EVA1C: variants seen among roughly 807,000 people sequenced by gnomAD.
EVA1C encodes the protein eva-1 homolog C.
A neutral mutation model predicts 45.4 loss-of-function variants in EVA1C; 25 were observed. The ratio of observed to expected loss-of-function variants is 0.55; its 90% CI spans 0.40 to 0.77. The LOEUF (loss-of-function observed/expected upper bound fraction) is 0.77. Ranked by LOEUF, EVA1C falls within the 30% of genes least tolerant of loss-of-function variation. The pLI is 0.00. For synonymous variants in EVA1C, 190 were observed against 221.2 expected (o/e 0.86, Z 1.25); for missense variants, 479 against 554.8 (o/e 0.86, Z 1.37).
At chr21:32,477,338 C>T (rs376680451) in intron 4 of EVA1C, among the ~76,000 whole-genome samples, 7 of 152,300 alleles carry the variant, frequency 4.6e-5, no homozygotes, top group South Asian at 4.1e-4. Flanking sequence ...TTCATTACCC[C>T]GGCAACCCAC....
chr21:32,470,018 C>T (rs1270284070), intron 4 of EVA1C, among the ~76,000 whole-genome samples: 1 of 152,216 alleles, frequency 6.6e-6, no homozygotes, highest in Non-Finnish European at 1.5e-5. Flanking sequence ...AAAGCTTGAT[C>T]TCTCTCTGCT....
chr21:32,486,211 C>CT (rs1424690911), intron 4 of EVA1C, among the ~76,000 whole-genome samples: 1 of 152,200 alleles, frequency 6.6e-6, no homozygotes, highest in Admixed American at 6.5e-5. Flanking sequence ...GCAACCTCCA[C>CT]TTCCCAGGTT....
At chr21:32,439,131 T>A (rs1470810082) in intron 1 of EVA1C, among the ~76,000 whole-genome samples, 1 of 150,780 alleles carries the variant, frequency 6.6e-6, no homozygotes, top group Non-Finnish European at 1.5e-5. Flanking sequence ...TCCCAGCTAC[T>A]CGGGAGGCCA....
intron 1 of EVA1C, among the ~76,000 whole-genome samples, chr21:32,422,048 A>G (rs950589311): frequency 1.1e-4 from 16 of 150,922 alleles, no homozygotes; most frequent in Non-Finnish European, 2.4e-4. Context: ...CTGTCTCAAA[A>G]AAAAAAAAAA....
At position 32,503,934 on chromosome 21, in the gene EVA1C, T is replaced by C; in HGVS notation, c.868T>C (p.Phe290Leu). The C allele has an allele frequency of 6.2e-7, 1 of 1,610,548 alleles. No individual in the cohort carries two copies. The highest frequency in any genetic ancestry group is 8.5e-7 in the Non-Finnish European group (1 of 1,179,154). The change falls in exon 7 of 8, where the codon TTC becomes CTC. Residue 290 changes from phenylalanine (F) to leucine (L), a missense_variant. Phe to Leu is a conservative substitution (Grantham distance 22). This residue lies in a region of EVA1C where 366 missense variants were observed against 426.1 expected (regional missense o/e 0.86). Coordinates refer to ENST00000300255, the MANE Select transcript of EVA1C (RefSeq NM_058187.5). ...CATTTTTCATGAAACAGGTATAAACTTCGACCCAAGCGGATCGAAGGTTCT... is the reference window on the plus strand; with the variant it reads ...CATTTTTCATGAAACAGGTATAAACCTCGACCCAAGCGGATCGAAGGTTCT... ...KQKDGEYGIN[F>L]DPSGSKVLRK...
chr21:32,505,817 C>G (rs115240754), intron 7 of EVA1C, among the ~76,000 whole-genome samples: 1 of 152,108 alleles, frequency 6.6e-6, no homozygotes, highest in Non-Finnish European at 1.5e-5. Flanking sequence ...GATTAGGATT[C>G]CCCCCTTATG....
intron 1 of EVA1C, among the ~76,000 whole-genome samples, chr21:32,422,458 G>A (rs1156487223): frequency 6.6e-6 from 1 of 152,164 alleles, no homozygotes; most frequent in Non-Finnish European, 1.5e-5. Context: ...AATTTTTAAG[G>A]ATTGATGAAA....
At chr21:32,445,413 C>T (rs576723950) in intron 1 of EVA1C, among the ~76,000 whole-genome samples, 1 of 152,280 alleles carries the variant, frequency 6.6e-6, no homozygotes, top group South Asian at 2.1e-4. Context: ...CAAGGAATCT[C>T]CTTGTGAGCA....
chr21:32,438,984 C>G (rs1333861824), intron 1 of EVA1C, among the ~76,000 whole-genome samples: 1 of 151,822 alleles, frequency 6.6e-6, no homozygotes, highest in Non-Finnish European at 1.5e-5. Flanking sequence ...GCCTGTAATC[C>G]CAGCACTTTG....
At chr21:32,509,452 C>A (rs1406766031) in intron 7 of EVA1C, among the ~76,000 whole-genome samples, 2 of 152,186 alleles carry the variant, frequency 1.3e-5, no homozygotes, top group Admixed American at 1.3e-4. Flanking sequence ...ACCCACCTCC[C>A]AGGAGAAGAG....
At chr21:32,497,569 T>G (rs889922724) in intron 5 of EVA1C, among the ~76,000 whole-genome samples, 11 of 152,006 alleles carry the variant, frequency 7.2e-5, no homozygotes, top group Admixed American at 7.2e-4. Context: ...TACTAAAACA[T>G]TTTTTTTAAA....
At chr21:32,461,785 CT>C (rs2036006758) in intron 3 of EVA1C, among the ~76,000 whole-genome samples, 1 of 152,220 alleles carries the variant, frequency 6.6e-6, no homozygotes, top group Non-Finnish European at 1.5e-5. Flanking sequence ...GTGCACTATG[CT>C]TCCTTCCTCA....
chr21:32,506,222 A>G lies in EVA1C; in HGVS notation c.949+2207A>G, dbSNP rs772615278. Among the ~76,000 whole-genome samples the G allele has an allele frequency of 1.9e-4, 28 of 147,832 alleles. No individual in the cohort carries two copies. In the Middle Eastern group the frequency reaches 0.01, roughly 54 times the overall value. On this transcript the variant is annotated intron_variant, in intron 7 of 7. Coordinates refer to ENST00000300255, the MANE Select transcript of EVA1C (RefSeq NM_058187.5). ...GCTCCACAGGGTCAGGTGCCTTGTC[A>G]TCTTATTTTGTGTGGTATCCCTGTA...
intron 2 of EVA1C, among the ~76,000 whole-genome samples, chr21:32,454,553 T>C (rs747519053): frequency 5.3e-5 from 8 of 152,090 alleles, no homozygotes; most frequent in Non-Finnish European, 1.2e-4. Flanking sequence ...CCCTGGCCCC[T>C]AACATATATA....
At chr21:32,427,052 A>G (rs752478288) in intron 1 of EVA1C, among the ~76,000 whole-genome samples, 6 of 152,156 alleles carry the variant, frequency 3.9e-5, no homozygotes, top group Non-Finnish European at 8.8e-5. Context: ...CAAGTGGGTG[A>G]TGTACGAATG....
chr21:32,507,555 C>T (rs111073716), intron 7 of EVA1C, among the ~76,000 whole-genome samples: 83 of 148,002 alleles, frequency 5.6e-4, no homozygotes, highest in East Asian at 4.4e-3. Context: ...TGTATGTATG[C>T]GTGTTTTTGT....
At chr21:32,457,469 C>T in intron 2 of EVA1C, 128 bp from the exon 3 acceptor site, 1 of 1,063,644 alleles carries the variant, frequency 9.4e-7, no homozygotes, top group Non-Finnish European at 1.4e-6. Context: ...GCTCTTTGGC[C>T]TTAGACACAG....
At chr21:32,462,792 T>C (rs2036046953) in intron 3 of EVA1C, among the ~76,000 whole-genome samples, 1 of 152,222 alleles carries the variant, frequency 6.6e-6, no homozygotes, top group Non-Finnish European at 1.5e-5. Flanking sequence ...TGCAGGTAAC[T>C]AGCCAGAGCC....
rs8133877 is a variant in EVA1C, at chr21:32,473,575, G to A, written c.634+5727G>A. ...GAGAATTTGCAGACAGTCCCAGGGC[G>A]GTCCCATGGTGGCACCTCTCTAATC... On this transcript the variant is annotated intron_variant, in intron 4 of 7. Transcript: ENST00000300255. Among the ~76,000 whole-genome samples, 1,495 of 152,272 alleles carry A rather than the reference G, an allele frequency of 9.8e-3. 25 individuals carry two copies. The highest frequency in any genetic ancestry group is 0.034 in the African/African-American group (1,430 of 41,544).
Sources: gnomAD v4.1 joint callset for allele counts (sites outside exome capture counted in the v4.1 genomes callset) on GRCh38, gnomAD v4.1.1 for gene constraint, gnomAD v4.1.1 regional missense constraint, MANE v1.5 for transcripts, NCBI Gene and HGNC (gene_info 2026-07-23, HGNC 2026-07-21) for gene names.